Variants in DLG2 observed in about 807,000 individuals in gnomAD.
The protein encoded by DLG2 is discs large MAGUK scaffold protein 2.
DLG2 carries 45 observed loss-of-function variants against 132.5 expected under a neutral mutation model. That is an observed-to-expected ratio of 0.34 (90% CI 0.27 to 0.44). The LOEUF is 0.44. DLG2 is among the 20% of genes least tolerant of loss of function. The probability of loss-of-function intolerance (pLI) is 1.00; values close to 1 mark genes in which losing one functional copy is unlikely to be tolerated. For missense variants in DLG2, 1,045 were observed against 1,196.9 expected, an observed-to-expected ratio of 0.87 and a Z score of 1.87; for synonymous variants, 424 against 419.6, an observed-to-expected ratio of 1.01 and a Z score of -0.13.
chr11:85,084,134 T>C (rs933757771), intron 6 of DLG2, among the ~76,000 whole-genome samples: 1 of 152,100 alleles, frequency 6.6e-6, no homozygotes, highest in African/African-American at 2.4e-5. Flanking sequence ...TAAAGTGATT[T>C]TTAAAATAAA....
chr11:85,459,066 A>C (rs1306823918), intron 3 of DLG2, among the ~76,000 whole-genome samples: 1 of 152,140 alleles, frequency 6.6e-6, no homozygotes, highest in African/African-American at 2.4e-5. Flanking sequence ...GGTGTCAGGG[A>C]CAGGTAACAG....
chr11:85,393,635 G>GTA (rs2087007475), intron 3 of DLG2, among the ~76,000 whole-genome samples: 1 of 151,044 alleles, frequency 6.6e-6, no homozygotes, highest in African/African-American at 2.4e-5. Flanking sequence ...GCATATGTGT[G>GTA]TGTGTGTGTG....
At chr11:84,963,719 G>A (rs1260952161) in intron 6 of DLG2, among the ~76,000 whole-genome samples, 3 of 152,114 alleles carry the variant, frequency 2.0e-5, no homozygotes, top group Non-Finnish European at 4.4e-5. Context: ...CACAAAATAA[G>A]TGCTCAATAA....
chr11:84,749,524 A>G (rs541331427), intron 6 of DLG2, among the ~76,000 whole-genome samples: 1 of 152,320 alleles, frequency 6.6e-6, no homozygotes, highest in Admixed American at 6.5e-5. Context: ...TATGCAGTAT[A>G]GTAACATGCT....
intron 7 of DLG2, among the ~76,000 whole-genome samples, chr11:84,498,539 T>C (rs1186955041): frequency 1.3e-5 from 2 of 152,088 alleles, no homozygotes; most frequent in Admixed American, 6.6e-5. Context: ...CTAAATAATA[T>C]GCTAAAACTA....
intron 19 of DLG2, 42 bp downstream of exon 19, chr11:83,633,169 A>T (rs531084626): frequency 6.3e-7 from 1 of 1,581,034 alleles, no homozygotes; most frequent in African/African-American, 1.3e-5. Flanking sequence ...CTCAAGTTGA[A>T]TTGCTCACAA....
At chr11:85,149,772 CTT>C (rs963848627) in intron 5 of DLG2, among the ~76,000 whole-genome samples, 7 of 151,958 alleles carry the variant, frequency 4.6e-5, no homozygotes, top group African/African-American at 1.5e-4. Context: ...ATATATGAGA[CTT>C]AACAAAATTC....
chr11:85,481,672 T>G (rs2093294732), intron 3 of DLG2, among the ~76,000 whole-genome samples: 1 of 152,078 alleles, frequency 6.6e-6, no homozygotes, highest in African/African-American at 2.4e-5. Context: ...ATGACCAGGC[T>G]GACCCCAGTG....
chr11:84,646,674 A>G (rs1225110253), intron 6 of DLG2, among the ~76,000 whole-genome samples: 1 of 151,984 alleles, frequency 6.6e-6, no homozygotes, highest in African/African-American at 2.4e-5. Context: ...TCAAAAAATA[A>G]CAACCTCAGA....
chr11:83,825,185 T>A (rs866431365), intron 17 of DLG2, among the ~76,000 whole-genome samples: 1,833 of 130,480 alleles, frequency 0.014, 40 homozygotes, highest in African/African-American at 0.046. Flanking sequence ...TTTTTTTTTT[T>A]TTTTTTTTTT....
chr11:84,548,505 C>T (rs1303704799), intron 6 of DLG2, among the ~76,000 whole-genome samples: 3 of 144,522 alleles, frequency 2.1e-5, no homozygotes, highest in Admixed American at 7.2e-5. Context: ...TTGATCAATT[C>T]CCACCTATGA....
intron 7 of DLG2, among the ~76,000 whole-genome samples, chr11:84,467,926 G>C (rs1157633126): frequency 6.6e-6 from 1 of 151,322 alleles, no homozygotes; most frequent in Non-Finnish European, 1.5e-5. Flanking sequence ...CACATATTTG[G>C]CATACTGCTA....
intron 3 of DLG2, among the ~76,000 whole-genome samples, chr11:85,529,455 CT>C (rs2075034911): frequency 6.6e-6 from 1 of 152,010 alleles, no homozygotes; most frequent in African/African-American, 2.4e-5. Context: ...TATTTTTTAT[CT>C]TGTTCACTTG....
At chr11:85,127,831 A>T (rs1383348810) in intron 5 of DLG2, among the ~76,000 whole-genome samples, 2 of 152,176 alleles carry the variant, frequency 1.3e-5, no homozygotes, top group Non-Finnish European at 1.5e-5. Context: ...TATTTCTGTT[A>T]AGAATCCACT....
intron 19 of DLG2, among the ~76,000 whole-genome samples, chr11:83,547,056 T>G (rs2096260646): frequency 6.6e-6 from 1 of 152,066 alleles, no homozygotes; most frequent in African/African-American, 2.4e-5. Context: ...ACACTCACAC[T>G]CTCCACTTGG....
At chr11:83,676,509 G>C (rs2077717172) in intron 18 of DLG2, among the ~76,000 whole-genome samples, 1 of 152,108 alleles carries the variant, frequency 6.6e-6, no homozygotes, top group African/African-American at 2.4e-5. Flanking sequence ...ACTTAATGTA[G>C]GCATACTATG....
chr11:84,223,437 G>C (rs913518986), intron 8 of DLG2, among the ~76,000 whole-genome samples: 1 of 152,104 alleles, frequency 6.6e-6, no homozygotes, highest in African/African-American at 2.4e-5. Context: ...ACAATGACCA[G>C]AGTGTCATGT....
chr11:83,655,478 G>C (rs1445502668), intron 18 of DLG2, among the ~76,000 whole-genome samples: 1 of 152,100 alleles, frequency 6.6e-6, no homozygotes, highest in African/African-American at 2.4e-5. Context: ...CTTATATTGG[G>C]TCAGCTGGGA....
chr11:84,322,340 G>T (rs1470835923), intron 7 of DLG2, among the ~76,000 whole-genome samples: 2 of 152,156 alleles, frequency 1.3e-5, no homozygotes, highest in Non-Finnish European at 2.9e-5. Context: ...TTTCCTAGTG[G>T]TCTTAGCACT....
Sources: gnomAD v4.1 joint callset for allele counts (sites outside exome capture counted in the v4.1 genomes callset) on GRCh38, gnomAD v4.1.1 for gene constraint, MANE v1.5 for transcripts, NCBI Gene and HGNC (gene_info 2026-07-23, HGNC 2026-07-21) for gene names.